CLUH: variants seen among roughly 807,000 people sequenced by gnomAD.
CLUH encodes CLUH binding protein of NUMT mRNA, also known as clustered mitochondria protein homolog.
In CLUH, 77 loss-of-function variants were observed where a neutral mutation model predicts 139.3. The observed-to-expected ratio is 0.55, with a 90% CI of 0.46 to 0.67. CLUH has a LOEUF of 0.67. CLUH is among the 30% of genes least tolerant of loss of function. The pLI, the probability that CLUH is intolerant of heterozygous loss-of-function variation, is 0.00. For missense variants in CLUH, 1,876 were observed against 1,875.8 expected, an observed-to-expected ratio of 1.00 and a Z score of 0.00; for synonymous variants, 999 against 801.6, an observed-to-expected ratio of 1.25 and a Z score of -4.16.
chr17:2,694,157 A>G lies in CLUH; in HGVS notation c.3057T>C (p.His1019=). The G allele has an allele frequency of 6.2e-7, 1 of 1,613,516 alleles. No homozygotes were observed. The highest frequency in any genetic ancestry group is 8.5e-7 in the Non-Finnish European group (1 of 1,179,732). ...CTTTGGCCTGCCCGCTCTGGAAGAAATGGAAGGCATCCGAGGCCTTGGGGT... is the reference window on the plus strand; with the variant it reads ...CTTTGGCCTGCCCGCTCTGGAAGAAGTGGAAGGCATCCGAGGCCTTGGGGT... The part of the protein sequence containing the change: ...HVNPKASDAF[H]FFQSGQAKVQ... The change falls in exon 18 of 26, where the codon CAT becomes CAC. Residue 1019 remains histidine (H), a synonymous_variant. Transcript: ENST00000651024.
In CLUH at chr17:2,694,196, C is replaced by T; in HGVS notation, c.3018G>A (p.Val1006=). ...AGGCCTTGGGGTTGACGTGCTTGAC[C>T]ACGGGGAAGATGTTGAGCACGTCCT... ...TEEDVLNIFP[V]VKHVNPKASD... is the part of the protein sequence containing the mutation. Residue 1006 remains valine (V), a synonymous_variant, in exon 18 of 26, where the codon GTG becomes GTA. Transcript: ENST00000651024. The T allele has an allele frequency of 6.2e-7, 1 of 1,613,330 alleles. No individual in the cohort carries two copies. Among genetic ancestry groups the T allele is most frequent in the South Asian group, 1.1e-5 (1 of 90,964 alleles).
In CLUH at chr17:2,690,378, A is replaced by G. The variant is rs1201669807; in HGVS notation, c.*216T>C. 9 of 443,246 alleles carry G rather than the reference A, an allele frequency of 2.0e-5. No homozygotes were observed. Among genetic ancestry groups the G allele is most frequent in the South Asian group, 5.6e-5 (1 of 18,018 alleles). The allele number at this position is 443,246 out of a possible 1,614,324, so 27.5% of individuals were successfully genotyped here. A position where few individuals can be genotyped will look rare whatever the true frequency, so the allele number is the denominator to read the frequency against. ...CGCACACGCCATTCACGTGTCTCCAATGGGGCCTCTGCATCATCTATTCAT... is the reference window on the plus strand; with the variant it reads ...CGCACACGCCATTCACGTGTCTCCAGTGGGGCCTCTGCATCATCTATTCAT... On this transcript the variant is annotated 3_prime_UTR_variant, in exon 26 of 26. Transcript: ENST00000651024.
At position 2,694,182 on chromosome 17, in the gene CLUH, T is replaced by A; in HGVS notation, c.3032A>T (p.Asn1011Ile). 6.2e-7 allele frequency: 1 copy of A among 1,613,206 alleles called. No homozygotes were observed. Among genetic ancestry groups the A allele is most frequent in the South Asian group, 1.1e-5 (1 of 90,972 alleles). ...ATGGAAGGCATCCGAGGCCTTGGGG[T>A]TGACGTGCTTGACCACGGGGAAGAT... ...LNIFPVVKHVNPKASDAFHFF... is the reference protein window; with the variant it reads ...LNIFPVVKHVIPKASDAFHFF... The change falls in exon 18 of 26, where the codon AAC (asparagine) becomes ATC (isoleucine). Residue 1011 changes from asparagine to isoleucine, a missense_variant. By Grantham distance (149) the Asn-to-Ile change is moderately radical. This residue lies in a region of CLUH where 1,454 missense variants were observed against 1,384.4 expected (regional missense o/e 1.05). Transcript: ENST00000651024.
At position 2,694,186 on chromosome 17, in the gene CLUH, C is replaced by G; in HGVS notation, c.3028G>C (p.Val1010Leu). 6.2e-7 allele frequency: 1 copy of G among 1,613,156 alleles called. No homozygotes were observed. The highest frequency in any genetic ancestry group is 8.5e-7 in the Non-Finnish European group (1 of 1,179,552). ...VLNIFPVVKH[V>L]NPKASDAFHF... ...AAGGCATCCGAGGCCTTGGGGTTGA[C>G]GTGCTTGACCACGGGGAAGATGTTG... Residue 1010 changes from valine to leucine, a missense_variant, in exon 18 of 26, where the codon GTC (valine) becomes CTC (leucine). Coordinates refer to ENST00000651024, the MANE Select transcript of CLUH (RefSeq NM_001366661.1).
chr17:2,704,307 T>G lies in CLUH; in HGVS notation c.303+55A>C. 2 of 1,552,800 alleles carry G rather than the reference T, an allele frequency of 1.3e-6. No homozygotes were observed. Among genetic ancestry groups the G allele is most frequent in the Non-Finnish European group, 8.7e-7 (1 of 1,142,988 alleles). On this transcript the variant is annotated intron_variant, in intron 2 of 25. Transcript: ENST00000651024. The surrounding 1 kb of genome is among the most constrained non-coding windows in gnomAD (Gnocchi z 5.7). ...CACGAGCAAGGCTGAGCTTTCCAGC[T>G]CACCCTCCCCAGCAGGCTCAGGCCT...
At chr17:2,690,860 G>C (rs2069597939) in intron 25 of CLUH, 83 bp from the exon 26 acceptor site, 4 of 1,152,794 alleles carry the variant, frequency 3.5e-6, no homozygotes, top group Non-Finnish European at 4.7e-6. Context: ...TGTGGGATAA[G>C]CTCAGGCTCT....
rs780418387 is a variant in CLUH at position 2,694,552 on chromosome 17, G to C, written c.2865C>G (p.Asp955Glu). 6.3e-7 allele frequency: 1 copy of C among 1,578,090 alleles called. No individual in the cohort carries two copies. Among genetic ancestry groups the C allele is most frequent in the Non-Finnish European group, 8.6e-7 (1 of 1,162,380 alleles). Residue 955 changes from aspartate (D) to glutamate (E), a missense_variant, in exon 17 of 26, where the codon GAC becomes GAG. Around this residue, in one of 3 missense-constraint regions of CLUH, gnomAD observed 1,454 missense variants for 1,384.4 expected, o/e 1.05. Coordinates refer to ENST00000651024, the MANE Select transcript of CLUH (RefSeq NM_001366661.1). ...FDFDLECETV[D>E]QAVETYGLQK... ...GCAGGCCGTAGGTCTCCACAGCCTG[G>C]TCCACGGTCTCACTGAGGAGGGAGC... is the stretch of plus-strand genomic sequence containing the variant.
At position 2,695,362 on chromosome 17, in the gene CLUH, G is replaced by A; in HGVS notation, c.2544+12C>T. On this transcript the variant is annotated intron_variant, in intron 14 of 25. Transcript: ENST00000651024. ...ACAGCTCCCGTTCCGCCCCACCCCGGGCAGCACTCACAAAGACGTGGTCCA... is the reference window on the plus strand; with the variant it reads ...ACAGCTCCCGTTCCGCCCCACCCCGAGCAGCACTCACAAAGACGTGGTCCA... 1.2e-6 allele frequency: 2 copies of A among 1,613,074 alleles called. No homozygotes were observed. Among genetic ancestry groups the A allele is most frequent in the Non-Finnish European group, 1.7e-6 (2 of 1,179,718 alleles).
intron 19 of CLUH, among the ~76,000 whole-genome samples, chr17:2,693,085 C>A (rs1231647583): frequency 7.9e-6 from 1 of 126,580 alleles, no homozygotes; most frequent in Non-Finnish European, 1.6e-5. Context: ...ATGTCTTACA[C>A]CCAACAAAAT....
intron 7 of CLUH, 112 bp from the exon 8 acceptor site, chr17:2,700,937 T>C (rs1259626004): frequency 2.1e-6 from 3 of 1,436,636 alleles, no homozygotes; most frequent in Non-Finnish European, 2.8e-6. Context: ...CCTGAGACAC[T>C]GCCCTGGAGC....
intron 9 of CLUH, 144 bp downstream of exon 9, chr17:2,700,238 T>C (rs2070124469): frequency 1.4e-5 from 10 of 691,496 alleles, no homozygotes; most frequent in South Asian, 1.3e-4. Flanking sequence ...TAGCAGACCC[T>C]GCGGGAGACG....
At position 2,692,764 on chromosome 17, in the gene CLUH, G is replaced by C. The variant is rs779255901; in HGVS notation, c.3312+16C>G. On this transcript the variant is annotated intron_variant, in intron 20 of 25. Transcript: ENST00000651024. ...GCCCCTCGCATCCCCCGGCGCGGGC[G>C]GCACTCGCGACTCACGTATTCCTGG... 1.9e-6 allele frequency: 3 copies of C among 1,599,050 alleles called. No individual in the cohort carries two copies. In the East Asian group the frequency reaches 6.7e-5, roughly 36 times the overall value.
rs1007449301 is a variant in CLUH at position 2,697,882 on chromosome 17, G to C, written c.1961+14C>G. The C allele has an allele frequency of 8.2e-6, 12 of 1,467,538 alleles. No homozygotes were observed. Among genetic ancestry groups the C allele is most frequent in the Non-Finnish European group, 8.1e-6 (9 of 1,111,062 alleles). 90.9% of individuals were successfully genotyped at this position (1,467,538 alleles called of 1,614,324 possible). On this transcript the variant is annotated intron_variant, in intron 10 of 25. Transcript: ENST00000651024. The stretch of plus-strand genomic sequence containing the variant: ...AGCTGGCCCCGGCCCTGGTCCGGCA[G>C]GGCCGCCCCTCACCTGTGCTCCACG...
Position 2,697,995 on chromosome 17 carries a change from T to A in CLUH, c.1862A>T (p.Glu621Val), listed in dbSNP as rs1415946516. The A allele has an allele frequency of 6.3e-7, 1 of 1,596,542 alleles. No homozygotes were observed. The highest frequency in any genetic ancestry group is 1.1e-5 in the South Asian group (1 of 89,282). Reference sequence around the variant, plus strand: ...GGCGCGGGCGCATTCCTCAGGCAGCTCCTCGCCAGGCACGGGCAGGAAGTT... The same window carrying A: ...GGCGCGGGCGCATTCCTCAGGCAGCACCTCGCCAGGCACGGGCAGGAAGTT... The part of the protein sequence containing the change: ...DLNFLPVPGE[E>V]LPEECARAGF... The change falls in exon 10 of 26, where the codon GAG (glutamate) becomes GTG (valine). Residue 621 changes from glutamate (E) to valine (V), a missense_variant. By Grantham distance (121) the Glu-to-Val change is moderately radical. Transcript: ENST00000651024.
At chr17:2,700,236 C>G (rs766136026) in intron 9 of CLUH, 146 bp downstream of exon 9, 1 of 681,968 alleles carries the variant, frequency 1.5e-6, no homozygotes, top group African/African-American at 1.8e-5. Context: ...GCTAGCAGAC[C>G]CTGCGGGAGA....
chr17:2,704,292 G>A lies in CLUH; in HGVS notation c.303+70C>T. ...TGGGGCCGGTAGGAGCACGAGCAAG[G>A]CTGAGCTTTCCAGCTCACCCTCCCC... On this transcript the variant is annotated intron_variant, in intron 2 of 25. Coordinates refer to ENST00000651024, the MANE Select transcript of CLUH (RefSeq NM_001366661.1). This position sits in a 1 kb window ranked among gnomAD's most constrained non-coding sequence, Gnocchi z 5.7. 1 of 1,508,176 alleles carries A rather than the reference G, an allele frequency of 6.6e-7. No individual in the cohort carries two copies. 93.4% of individuals were successfully genotyped at this position (1,508,176 alleles called of 1,614,324 possible).
chr17:2,697,037 G>A (rs1242083035), intron 10 of CLUH, 95 bp from the exon 11 acceptor site: 16 of 909,246 alleles, frequency 1.8e-5, no homozygotes, highest in South Asian at 1.6e-4. Context: ...TCCACACCCC[G>A]CAGGCATAGG....
In CLUH at chr17:2,696,724, CCGT is replaced by C; in HGVS notation, c.2177_2179del (p.Asp726del). 6.2e-7 allele frequency: 1 copy of C among 1,611,838 alleles called. No homozygotes were observed. Among genetic ancestry groups the C allele is most frequent in the Non-Finnish European group, 8.5e-7 (1 of 1,179,772 alleles). ...GCCATCTGCAGCAGCCCCACCTGTGCCGTCGTCTGCGGCGATGGTCTCTGCCAG... is the reference window on the plus strand; with the variant it reads ...GCCATCTGCAGCAGCCCCACCTGTGCCGTCTGCGGCGATGGTCTCTGCCAG... On this transcript the variant is annotated inframe_deletion, in exon 11 of 26. Transcript: ENST00000651024.
Position 2,707,271 on chromosome 17 carries a change from G to C in CLUH, c.101-2707C>G. 1 of 985,446 alleles carries C rather than the reference G, an allele frequency of 1.0e-6. No homozygotes were observed. Among genetic ancestry groups the C allele is most frequent in the South Asian group, 4.7e-5 (1 of 21,292 alleles). 61.0% of individuals were successfully genotyped at this position (985,446 alleles called of 1,614,324 possible). On this transcript the variant is annotated intron_variant, in intron 1 of 25. Coordinates refer to ENST00000651024, the MANE Select transcript of CLUH (RefSeq NM_001366661.1). The surrounding 1 kb of genome is among the most constrained non-coding windows in gnomAD (Gnocchi z 7.4). ...CTCCAGCTCAGCCCCAGCATTGCCC[G>C]GGTTCCTTGTTCCAGCCTCTGCCGC... is the stretch of plus-strand genomic sequence containing the variant.
Sources: gnomAD v4.1 joint callset for allele counts (sites outside exome capture counted in the v4.1 genomes callset) on GRCh38, gnomAD v4.1.1 for gene constraint, gnomAD v4.1.1 regional missense constraint, Gnocchi (gnomAD v3.1) non-coding constraint, MANE v1.5 for transcripts, NCBI Gene and HGNC (gene_info 2026-07-23, HGNC 2026-07-21) for gene names.